CNPY4: variants seen among roughly 807,000 people sequenced by gnomAD.
CNPY4 encodes canopy FGF signaling regulator 4, also known as protein canopy homolog 4.
In CNPY4, 33 loss-of-function variants were observed where a neutral mutation model predicts 30.1. That is an observed-to-expected ratio of 1.10 (90% CI 0.83 to 1.46). CNPY4 has a LOEUF of 1.46. CNPY4 is among the 40% of genes most tolerant of loss of function. The probability of loss-of-function intolerance (pLI) is 0.00; values close to 1 mark genes in which losing one functional copy is unlikely to be tolerated. For missense variants in CNPY4, 324 were observed against 302.6 expected, an observed-to-expected ratio of 1.07 and a Z score of -0.52; for synonymous variants, 109 against 110.1, an observed-to-expected ratio of 0.99 and a Z score of 0.06.
chr7:100,121,030 T>C (rs2116885345), intron 1 of CNPY4: 1 of 141,624 alleles, frequency 7.1e-6, no homozygotes, highest in African/African-American at 2.7e-5. Context: ...TATGTTGATT[T>C]ATTTAATCTT....
chr7:100,120,453 G>C (rs1177183777), intron 1 of CNPY4: 1 of 152,238 alleles, frequency 6.6e-6, no homozygotes, highest in Non-Finnish European at 1.5e-5. Context: ...CTGCACTAGC[G>C]TGGGGCCCAG....
rs780809364 is a variant in CNPY4, at chr7:100,119,849, C to G, written c.105C>G (p.Pro35=). The part of the protein sequence containing the change: ...KEEDDDTERL[P]SKCEVCKLLS... ...AGGACGATGACACAGAACGCTTGCCCAGCAAATGCGAAGGTATTTGAAGGG... is the reference window on the plus strand; with the variant it reads ...AGGACGATGACACAGAACGCTTGCCGAGCAAATGCGAAGGTATTTGAAGGG... The change falls in exon 1 of 6, where the codon CCC becomes CCG. Residue 35 remains proline (P), a synonymous_variant. Transcript: ENST00000262932. 2 of 1,612,118 alleles carry G rather than the reference C, an allele frequency of 1.2e-6. No individual in the cohort carries two copies. The highest frequency in any genetic ancestry group is 2.2e-5 in the South Asian group (2 of 90,900).
At chr7:100,122,137 A>T in intron 1 of CNPY4, 122 bp from the exon 2 acceptor site, 1 of 1,279,724 alleles carries the variant, frequency 7.8e-7, no homozygotes, top group Non-Finnish European at 1.1e-6. Flanking sequence ...CCAGGATTCC[A>T]ACCCAGCCAG....
intron 1 of CNPY4, among the ~76,000 whole-genome samples, chr7:100,120,594 G>A (rs756872795): frequency 5.3e-5 from 8 of 152,216 alleles, no homozygotes; most frequent in Non-Finnish European, 1.0e-4. Context: ...AGTCATGACA[G>A]TCTCATGACT....
chr7:100,122,333 G>A lies in CNPY4; in HGVS notation c.193G>A (p.Gly65Arg). The change falls in exon 2 of 6, where the codon GGG (glycine) becomes AGG (arginine). Residue 65 changes from glycine (G) to arginine (R), a missense_variant. By Grantham distance (125) the Gly-to-Arg change is moderately radical (BLOSUM62 -2). Transcript: ENST00000262932. ...TGRSREVLEL[G>R]QVLDTGKRKR... is the part of the protein sequence containing the mutation. ...TCGATCTCGAGAGGTGCTGGAGCTG[G>A]GGCAGGTGCTGGATACAGGCAAGAG... 2 of 1,614,176 alleles carry A rather than the reference G, an allele frequency of 1.2e-6. No individual in the cohort carries two copies. The highest frequency in any genetic ancestry group is 1.7e-6 in the Non-Finnish European group (2 of 1,180,030).
intron 1 of CNPY4, chr7:100,121,112 A>ATTTTTTTTT (rs1798040006): frequency 1.3e-4 from 4 of 30,720 alleles, no homozygotes; most frequent in African/African-American, 1.6e-4. Flanking sequence ...ATATATATAT[A>ATTTTTTTTT]TATATTTTTT....
intron 1 of CNPY4, 45 bp downstream of exon 1, chr7:100,119,907 T>G (rs755570817): frequency 6.5e-7 from 1 of 1,527,708 alleles, no homozygotes; most frequent in Non-Finnish European, 8.9e-7. Flanking sequence ...CGGCCACACC[T>G]CCTTCTTCTA....
At chr7:100,121,686 C>T (rs898011497) in intron 1 of CNPY4, among the ~76,000 whole-genome samples, 3 of 151,540 alleles carry the variant, frequency 2.0e-5, no homozygotes, top group East Asian at 2.0e-4. Context: ...GTGATCTGCC[C>T]GCCTCAGCCT....
rs867344467 is a variant in CNPY4, at chr7:100,122,866, G to C, written c.425G>C (p.Trp142Ser). 1 of 1,613,832 alleles carries C rather than the reference G, an allele frequency of 6.2e-7. No homozygotes were observed. Among genetic ancestry groups the C allele is most frequent in the Non-Finnish European group, 8.5e-7 (1 of 1,179,990 alleles). Residue 142 changes from tryptophan to serine, a missense_variant, in exon 4 of 6, where the codon TGG becomes TCG. Coordinates refer to ENST00000262932, the MANE Select transcript of CNPY4 (RefSeq NM_152755.2). ...GATCTGGGGATCCCTCTGGAGCTTT[G>C]GGATGAGCCCAGCGTGGAGGTCACA... ...KVDLGIPLEL[W>S]DEPSVEVTYL...
Position 100,124,847 on chromosome 7 carries a change from A to G in CNPY4, c.706A>G (p.Lys236Glu), listed in dbSNP as rs1390299240. 1 of 1,608,586 alleles carries G rather than the reference A, an allele frequency of 6.2e-7. No homozygotes were observed. The highest frequency in any genetic ancestry group is 8.5e-7 in the Non-Finnish European group (1 of 1,177,284). Residue 236 changes from lysine (K) to glutamate (E), a missense_variant, in exon 6 of 6, where the codon AAG becomes GAG. By Grantham distance (56) the Lys-to-Glu change is moderately conservative. Coordinates refer to ENST00000262932, the MANE Select transcript of CNPY4 (RefSeq NM_152755.2). ...AGAGGAAGGGGGAGACAAGATGACC[A>G]AGACAGGAAGCCACCCCAAACTTGA... ...EEEEGGDKMT[K>E]TGSHPKLDRE...
In CNPY4 at chr7:100,122,352, G is replaced by T; in HGVS notation, c.212G>T (p.Gly71Val). 1 of 1,613,732 alleles carries T rather than the reference G, an allele frequency of 6.2e-7. No homozygotes were observed. The highest frequency in any genetic ancestry group is 8.5e-7 in the Non-Finnish European group (1 of 1,179,662). The stretch of plus-strand genomic sequence containing the variant: ...GAGCTGGGGCAGGTGCTGGATACAG[G>T]CAAGAGGAAGAGACACGTGCCTTAC... ...VLELGQVLDTGKRKRHVPYSV... is the reference protein window; with the variant it reads ...VLELGQVLDTVKRKRHVPYSV... The change falls in exon 2 of 6, where the codon GGC becomes GTC. Residue 71 changes from glycine to valine, a missense_variant. By Grantham distance (109) the Gly-to-Val change is moderately radical. Coordinates refer to ENST00000262932, the MANE Select transcript of CNPY4 (RefSeq NM_152755.2).
chr7:100,122,197 C>A, intron 1 of CNPY4, 62 bp from the exon 2 acceptor site: 1 of 1,601,604 alleles, frequency 6.2e-7, no homozygotes. Flanking sequence ...AGGTCATCTG[C>A]AGAATGAATG....
Position 100,122,235 on chromosome 7 carries a change from C to A in CNPY4, c.119-24C>A, listed in dbSNP as rs762000342. ...TGGTGTGTTTGTCTTTTACCTCCCCCCGGACGTTTCTCCTCCCCACCAGTG... is the reference window on the plus strand; with the variant it reads ...TGGTGTGTTTGTCTTTTACCTCCCCACGGACGTTTCTCCTCCCCACCAGTG... On this transcript the variant is annotated intron_variant, in intron 1 of 5. Coordinates refer to ENST00000262932, the MANE Select transcript of CNPY4 (RefSeq NM_152755.2). 7.9e-5 allele frequency: 127 copies of A among 1,613,468 alleles called. 2 individuals are homozygous for A. In the South Asian group the frequency reaches 1.0e-3, roughly 13 times the overall value.
rs752179774 is a variant in CNPY4 at position 100,124,862 on chromosome 7, C to A, written c.721C>A (p.Pro241Thr). The A allele has an allele frequency of 2.9e-5, 47 of 1,602,666 alleles. No homozygotes were observed. Among genetic ancestry groups the A allele is most frequent in the Non-Finnish European group, 3.2e-5 (37 of 1,174,442 alleles). ...CAAGATGACCAAGACAGGAAGCCACCCCAAACTTGACCGAGAAGATCTTTG... is the reference window on the plus strand; with the variant it reads ...CAAGATGACCAAGACAGGAAGCCACACCAAACTTGACCGAGAAGATCTTTG... The part of the protein sequence containing the change: ...GDKMTKTGSH[P>T]KLDREDL The change falls in exon 6 of 6, where the codon CCC becomes ACC. Residue 241 changes from proline (P) to threonine (T), a missense_variant. Coordinates refer to ENST00000262932, the MANE Select transcript of CNPY4 (RefSeq NM_152755.2).
chr7:100,121,861 TAACACGGTGA>T (rs1562938944), intron 1 of CNPY4, among the ~76,000 whole-genome samples: 1 of 149,646 alleles, frequency 6.7e-6, no homozygotes, highest in Admixed American at 6.6e-5. Context: ...CCATCCTGGC[TAACACGGTGA>T]AACCCTGTCT....
At position 100,124,837 on chromosome 7, in the gene CNPY4, C is replaced by T. The variant is rs750835729; in HGVS notation, c.696C>T (p.Asp232=). The change falls in exon 6 of 6, where the codon GAC becomes GAT. Residue 232 remains aspartate (D), a synonymous_variant. Transcript: ENST00000262932. ...EEEEEEEEGG[D]KMTKTGSHPK... is the part of the protein sequence containing the mutation. ...AAGAGGAGGAAGAGGAAGGGGGAGA[C>T]AAGATGACCAAGACAGGAAGCCACC... is the stretch of plus-strand genomic sequence containing the variant. 4 of 1,608,952 alleles carry T rather than the reference C, an allele frequency of 2.5e-6. No homozygotes were observed. Among genetic ancestry groups the T allele is most frequent in the Non-Finnish European group, 3.4e-6 (4 of 1,177,576 alleles).
At chr7:100,121,907 G>C (rs184114202) in intron 1 of CNPY4, 1 of 202,516 alleles carries the variant, frequency 4.9e-6, no homozygotes, top group Non-Finnish European at 1.0e-5. Flanking sequence ...AAAATTAGCC[G>C]GGCGTGGTGG....
Position 100,122,245 on chromosome 7 carries a change from C to T in CNPY4, c.119-14C>T. 6.3e-7 allele frequency: 1 copy of T among 1,591,332 alleles called. No individual in the cohort carries two copies. The highest frequency in any genetic ancestry group is 8.6e-7 in the Non-Finnish European group (1 of 1,167,240). ...GTCTTTTACCTCCCCCCGGACGTTT[C>T]TCCTCCCCACCAGTGTGTAAGCTGC... On this transcript the variant is annotated splice_polypyrimidine_tract_variant and intron_variant, in intron 1 of 5. Coordinates refer to ENST00000262932, the MANE Select transcript of CNPY4 (RefSeq NM_152755.2).
intron 4 of CNPY4, among the ~76,000 whole-genome samples, chr7:100,123,942 A>T (rs192185008): frequency 3.9e-4 from 60 of 152,272 alleles, no homozygotes; most frequent in African/African-American, 1.3e-3. Context: ...CAGCCGGGCC[A>T]TCATAGTGAA....
Sources: gnomAD v4.1 joint callset for allele counts (sites outside exome capture counted in the v4.1 genomes callset) on GRCh38, gnomAD v4.1.1 for gene constraint, MANE v1.5 for transcripts, NCBI Gene and HGNC (gene_info 2026-07-23, HGNC 2026-07-21) for gene names.